Variants in CUBN observed in about 807,000 individuals in gnomAD.
CUBN encodes the protein cubilin, also known as 460 kDa receptor.
Under a neutral mutation model 405.3 loss-of-function variants are expected in CUBN, and 282 were observed. That is an observed-to-expected ratio of 0.70 (90% CI 0.63 to 0.77). The LOEUF (loss-of-function observed/expected upper bound fraction) is 0.77. Ranked by LOEUF, CUBN falls within the 30% of genes least tolerant of loss-of-function variation. The probability of loss-of-function intolerance (pLI) is 0.00; values close to 1 mark genes in which losing one functional copy is unlikely to be tolerated. For missense variants in CUBN, 4,514 were observed against 4,475.2 expected, an observed-to-expected ratio of 1.01 and a Z score of -0.25; for synonymous variants, 1,684 against 1,617.0, an observed-to-expected ratio of 1.04 and a Z score of -0.99.
At chr10:16,969,992 A>G (rs1342865390) in intron 31 of CUBN, among the ~76,000 whole-genome samples, 1 of 152,046 alleles carries the variant, frequency 6.6e-6, no homozygotes, top group South Asian at 2.1e-4. Flanking sequence ...TCCTAACTGA[A>G]TCCTCTTCCT....
chr10:17,060,599 G>T (rs1279946558), intron 22 of CUBN, among the ~76,000 whole-genome samples: 2 of 152,208 alleles, frequency 1.3e-5, no homozygotes, highest in African/African-American at 4.8e-5. Context: ...ACAAAATTAT[G>T]AGAAAACACT....
At chr10:16,930,377 C>T (rs534167834) in intron 40 of CUBN, among the ~76,000 whole-genome samples, 1 of 152,258 alleles carries the variant, frequency 6.6e-6, no homozygotes, top group African/African-American at 2.4e-5. Flanking sequence ...CTGAATCTTA[C>T]AGGAGTTACA....
intron 27 of CUBN, among the ~76,000 whole-genome samples, chr10:17,029,244 T>A (rs1834737402): frequency 6.6e-6 from 1 of 152,254 alleles, no homozygotes; most frequent in Non-Finnish European, 1.5e-5. Context: ...TGCTGCAAAT[T>A]AATGCAATCA....
chr10:17,014,085 A>G (rs1448506485), intron 28 of CUBN, among the ~76,000 whole-genome samples: 5 of 152,192 alleles, frequency 3.3e-5, no homozygotes, highest in East Asian at 1.9e-4. Flanking sequence ...TCTGATAGCC[A>G]TAAACTTCCT....
At chr10:16,825,186 G>T in intron 66 of CUBN, 104 bp from the exon 67 acceptor site, 2 of 756,508 alleles carry the variant, frequency 2.6e-6, no homozygotes, top group Non-Finnish European at 4.5e-6. Context: ...AAACTTTATA[G>T]AATTTATGGT....
intron 28 of CUBN, among the ~76,000 whole-genome samples, chr10:17,009,646 T>C (rs1482878195): frequency 1.3e-5 from 2 of 152,176 alleles, no homozygotes; most frequent in African/African-American, 4.8e-5. Flanking sequence ...TTAAGGAGCA[T>C]TTAGAAATTA....
chr10:16,872,008 T>C lies in CUBN; in HGVS notation c.9237-2155A>G, dbSNP rs187534388. On this transcript the variant is annotated intron_variant, in intron 58 of 66. Coordinates refer to ENST00000377833, the MANE Select transcript of CUBN (RefSeq NM_001081.4). Reference sequence around the variant, plus strand: ...GGGAGGCCGAGGCAGGTGGACCACTTGAGGTCAGGGATTCAAGACCAGCCT... The same window carrying C: ...GGGAGGCCGAGGCAGGTGGACCACTCGAGGTCAGGGATTCAAGACCAGCCT... Among the ~76,000 whole-genome samples, 187 of 152,186 alleles carry C rather than the reference T, an allele frequency of 1.2e-3. 1 individual carries two copies. Among genetic ancestry groups the C allele is most frequent in the Admixed American group, 6.3e-3 (97 of 15,276 alleles).
At chr10:17,121,537 G>C (rs1018106676) in intron 6 of CUBN, among the ~76,000 whole-genome samples, 1 of 136,256 alleles carries the variant, frequency 7.3e-6, no homozygotes, top group Admixed American at 7.6e-5. Context: ...CACACACCGG[G>C]GACTGTTGTG....
chr10:16,905,922 G>A (rs1287201161), intron 50 of CUBN, among the ~76,000 whole-genome samples: 2 of 152,086 alleles, frequency 1.3e-5, no homozygotes, highest in Admixed American at 1.3e-4. Flanking sequence ...AGACCAGCCT[G>A]GACAACATAG....
At chr10:16,922,780 G>A (rs747589291) in intron 43 of CUBN, among the ~76,000 whole-genome samples, 6 of 151,728 alleles carry the variant, frequency 4.0e-5, no homozygotes, top group Admixed American at 1.3e-4. Flanking sequence ...TGATGTCCTG[G>A]GCTGAAGTAG....
intron 27 of CUBN, chr10:17,023,724 T>C (rs758302221): frequency 2.5e-6 from 1 of 405,274 alleles, no homozygotes; most frequent in Non-Finnish European, 5.1e-6. Context: ...AAGTTCTAAT[T>C]GAGTTACAGA....
chr10:17,005,662 T>C (rs1015167820), intron 28 of CUBN, among the ~76,000 whole-genome samples: 1 of 152,230 alleles, frequency 6.6e-6, no homozygotes, highest in African/African-American at 2.4e-5. Context: ...TAGCTATTTT[T>C]TTCTGTGTTC....
At chr10:16,891,405 G>T (rs1004070967) in intron 54 of CUBN, among the ~76,000 whole-genome samples, 1 of 152,106 alleles carries the variant, frequency 6.6e-6, no homozygotes, top group Non-Finnish European at 1.5e-5. Context: ...AGCGAACCCC[G>T]ATGGCAGGAA....
chr10:16,858,913 G>C (rs1257714166), intron 59 of CUBN, among the ~76,000 whole-genome samples: 2 of 152,166 alleles, frequency 1.3e-5, no homozygotes, highest in African/African-American at 4.8e-5. Context: ...AGAGCAATTG[G>C]ACATCCAGAG....
intron 31 of CUBN, among the ~76,000 whole-genome samples, chr10:16,967,896 AGG>A (rs1843444491): frequency 8.8e-6 from 1 of 113,308 alleles, no homozygotes; most frequent in African/African-American, 3.5e-5. Context: ...GGAGAGACAG[AGG>A]GAGAGAGAGG....
rs150380619 is a variant in CUBN, at chr10:16,948,671, A to C, written c.5081-65T>G. The C allele has an allele frequency of 9.4e-6, 15 of 1,597,744 alleles. No individual in the cohort carries two copies. The East Asian group carries it at 3.4e-4, about 36-fold the overall frequency. ...CATGGCAGAGACCGCTGTTTCTAGG[A>C]AACACATCTTTACTCGAATTACAAG... On this transcript the variant is annotated intron_variant, in intron 34 of 66. Coordinates refer to ENST00000377833, the MANE Select transcript of CUBN (RefSeq NM_001081.4).
chr10:17,061,508 T>C (rs1835504266), intron 22 of CUBN, among the ~76,000 whole-genome samples: 1 of 152,296 alleles, frequency 6.6e-6, no homozygotes, highest in South Asian at 2.1e-4. Flanking sequence ...CTTTACCCGT[T>C]TAGTGTAAAG....
At chr10:17,119,397 C>T (rs773229995) in intron 6 of CUBN, among the ~76,000 whole-genome samples, 3 of 152,170 alleles carry the variant, frequency 2.0e-5, no homozygotes, top group Non-Finnish European at 2.9e-5. Context: ...CGGTGGCTCA[C>T]GCCTGTAATC....
chr10:17,071,074 A>T (rs928563838), intron 19 of CUBN, among the ~76,000 whole-genome samples: 6 of 152,202 alleles, frequency 3.9e-5, no homozygotes, highest in African/African-American at 1.4e-4. Context: ...TCATGAAAGG[A>T]TGTTGAATTT....
Sources: allele counts gnomAD v4.1 joint callset (sites outside exome capture counted in the v4.1 genomes callset), GRCh38; gene constraint gnomAD v4.1.1; transcripts MANE v1.5; gene names NCBI Gene and HGNC (gene_info 2026-07-23, HGNC 2026-07-21).